Variants in FRYL observed in about 807,000 individuals in gnomAD.
FRYL encodes protein furry homolog-like.
In FRYL, 150 loss-of-function variants were observed where a neutral mutation model predicts 351.2. The ratio of observed to expected loss-of-function variants is 0.43; its 90% CI spans 0.37 to 0.49. The LOEUF (loss-of-function observed/expected upper bound fraction) is 0.49, where lower values mean the gene tolerates loss of function less well. FRYL is among the 20% of genes least tolerant of loss of function. The pLI is 0.00. For missense variants in FRYL, 3,036 were observed against 3,619.3 expected, an observed-to-expected ratio of 0.84 and a Z score of 4.13; for synonymous variants, 1,153 against 1,257.1, an observed-to-expected ratio of 0.92 and a Z score of 1.75.
chr4:48,628,463 T>TGTGTGTGTGTGTG (rs1578418587), intron 4 of FRYL, among the ~76,000 whole-genome samples: 10 of 150,882 alleles, frequency 6.6e-5, no homozygotes, highest in South Asian at 2.1e-4. Flanking sequence ...TGTGTGTGTG[T>TGTGTGTGTGTGTG]TTAAAGGTGA....
chr4:48,750,433 C>T (rs1318125087), intron 1 of FRYL, among the ~76,000 whole-genome samples: 1 of 151,780 alleles, frequency 6.6e-6, no homozygotes, highest in East Asian at 1.9e-4. Flanking sequence ...TGCACTCCAG[C>T]CTGGGTGACA....
chr4:48,498,458 A>AAGTT lies in FRYL; in HGVS notation c.*960_*963dup, dbSNP rs1718862655. The stretch of plus-strand genomic sequence containing the variant: ...CTACAGTTTCTATATGGAGTAAAAT[A>AAGTT]AGTTAAAACTTTTCTAATGAGAATA... On this transcript the variant is annotated 3_prime_UTR_variant, in exon 64 of 64. Coordinates refer to ENST00000358350, the MANE Select transcript of FRYL (RefSeq NM_015030.2). The AAGTT allele has an allele frequency of 1.3e-5, 2 of 152,774 alleles. No individual in the cohort carries two copies. The highest frequency in any genetic ancestry group is 1.3e-4 in the Admixed American group (2 of 15,302). The allele number at this position is 152,774 out of a possible 1,614,324, so 9.5% of individuals were successfully genotyped here. A position where few individuals can be genotyped will look rare whatever the true frequency, so the allele number is the denominator to read the frequency against.
chr4:48,636,022 A>G (rs548822657), intron 3 of FRYL, among the ~76,000 whole-genome samples: 9 of 152,316 alleles, frequency 5.9e-5, no homozygotes, highest in African/African-American at 1.9e-4. Context: ...AGTAATCTAA[A>G]GAGTATCACA....
At position 48,504,133 on chromosome 4, in the gene FRYL, A is replaced by G. The variant is rs190425400; in HGVS notation, c.8464-1288T>C. Among the ~76,000 whole-genome samples the G allele has an allele frequency of 1.5e-3, 226 of 152,010 alleles. 1 individual carries two copies. The highest frequency in any genetic ancestry group is 4.6e-4 in the Non-Finnish European group (31 of 67,942). On this transcript the variant is annotated intron_variant, in intron 60 of 63. Transcript: ENST00000358350. ...TTTGTGGATGAGTGTGTGTGTGTGT[A>G]TATATATGCACATTTTAAAGTATAT...
intron 1 of FRYL, among the ~76,000 whole-genome samples, chr4:48,729,985 A>G (rs1259043277): frequency 6.6e-6 from 1 of 152,170 alleles, no homozygotes; most frequent in Non-Finnish European, 1.5e-5. Context: ...AAAAACTTTG[A>G]AAAAAGGTTA....
rs1244863371 is a variant in FRYL, at chr4:48,498,862, A to C, written c.*560T>G. On this transcript the variant is annotated 3_prime_UTR_variant, in exon 64 of 64. Coordinates refer to ENST00000358350, the MANE Select transcript of FRYL (RefSeq NM_015030.2). ...ATTCCTTATACAGACCAAAAAACAA[A>C]AAAACCCAAACCCTTATCCCACATA... 2 of 156,346 alleles carry C rather than the reference A, an allele frequency of 1.3e-5. No homozygotes were observed. Among genetic ancestry groups the C allele is most frequent in the African/African-American group, 4.8e-5 (2 of 41,442 alleles). The allele number at this position is 156,346 out of a possible 1,614,324, so 9.7% of individuals were successfully genotyped here. A position where few individuals can be genotyped will look rare whatever the true frequency, so the allele number is the denominator to read the frequency against.
At chr4:48,668,542 TG>T (rs1762144948) in intron 3 of FRYL, among the ~76,000 whole-genome samples, 1 of 152,216 alleles carries the variant, frequency 6.6e-6, no homozygotes, top group Non-Finnish European at 1.5e-5. Flanking sequence ...AAACTTGCTC[TG>T]GTACATGAAA....
chr4:48,580,675 A>C lies in FRYL; in HGVS notation c.2259+190T>G. ...AATTTTTATTTCTATGTAGAAGAGT[A>C]CTTAACCAAGTATAAATGAATGTCA... On this transcript the variant is annotated intron_variant, in intron 22 of 63. Transcript: ENST00000358350. 6.3e-6 allele frequency: 3 copies of C among 472,600 alleles called. No homozygotes were observed. In the East Asian group the frequency reaches 9.7e-5, roughly 15 times the overall value. The allele number at this position is 472,600 out of a possible 1,614,324, so 29.3% of individuals were successfully genotyped here. A position where few individuals can be genotyped will look rare whatever the true frequency, so the allele number is the denominator to read the frequency against.
chr4:48,708,954 ACT>A (rs1266670213), intron 2 of FRYL, among the ~76,000 whole-genome samples: 1 of 132,884 alleles, frequency 7.5e-6, no homozygotes, highest in African/African-American at 2.9e-5. Context: ...ATGGAGTCTC[ACT>A]CTGTCTCCCA....
At chr4:48,721,485 A>G (rs1425476969) in intron 1 of FRYL, among the ~76,000 whole-genome samples, 1 of 151,870 alleles carries the variant, frequency 6.6e-6, no homozygotes, top group Non-Finnish European at 1.5e-5. Context: ...ACATAGGGAG[A>G]CCCCATCTCT....
rs1280207795 is a variant in FRYL at position 48,581,509 on chromosome 4, G to A, written c.2083C>T (p.Leu695Phe). ...CTAGTGGCAGGTCGACTGCTACAGA[G>A]AATGACAAGCGCAAAGCCTTCAACC... ...HVVEGFALVI[L>F]CSSRPATRRL... Residue 695 changes from leucine to phenylalanine, a missense_variant, in exon 21 of 64, where the codon CTC becomes TTC. Around this residue, in one of 7 missense-constraint regions of FRYL, gnomAD observed 492 missense variants for 551.5 expected, o/e 0.89. Coordinates refer to ENST00000358350, the MANE Select transcript of FRYL (RefSeq NM_015030.2). 6.2e-7 allele frequency: 1 copy of A among 1,614,038 alleles called. No individual in the cohort carries two copies. Among genetic ancestry groups the A allele is most frequent in the Admixed American group, 1.7e-5 (1 of 60,014 alleles).
intron 15 of FRYL, among the ~76,000 whole-genome samples, chr4:48,594,746 T>A (rs1744247984): frequency 6.6e-6 from 1 of 152,200 alleles, no homozygotes; most frequent in Non-Finnish European, 1.5e-5. Flanking sequence ...TGAAAGAGAA[T>A]GCAATCAATA....
chr4:48,548,855 G>A, intron 39 of FRYL, 62 bp from the exon 40 acceptor site: 33 of 926,226 alleles, frequency 3.6e-5, no homozygotes, highest in Middle Eastern at 2.3e-4. Flanking sequence ...GAGAGAATTT[G>A]GTACAAAATT....
chr4:48,513,360 G>A (rs1722882380), intron 56 of FRYL, among the ~76,000 whole-genome samples: 1 of 152,102 alleles, frequency 6.6e-6, no homozygotes, highest in African/African-American at 2.4e-5. Flanking sequence ...GCCGATAATA[G>A]ATTTGACTCC....
rs1719040735 is a variant in FRYL at position 48,499,373 on chromosome 4, ATTC to A, written c.*46_*48del. On this transcript the variant is annotated 3_prime_UTR_variant, in exon 64 of 64. Transcript: ENST00000358350. ...GGTCCATAAAAGGTGCTTGGTTAAT[ATTC>A]TTCATCATCTTCAGTTTAGTTTCTT... 2 of 1,571,246 alleles carry A rather than the reference ATTC, an allele frequency of 1.3e-6. No individual in the cohort carries two copies. Among genetic ancestry groups the A allele is most frequent in the Non-Finnish European group, 1.7e-6 (2 of 1,144,278 alleles).
chr4:48,652,597 G>T (rs951994867), intron 3 of FRYL, among the ~76,000 whole-genome samples: 2 of 152,042 alleles, frequency 1.3e-5, no homozygotes, highest in African/African-American at 2.4e-5. Flanking sequence ...AAAAATAAAA[G>T]AAATATAGGG....
intron 23 of FRYL, 79 bp from the exon 24 acceptor site, chr4:48,576,301 TTTC>T: frequency 9.0e-7 from 1 of 1,113,390 alleles, no homozygotes. Flanking sequence ...TAATGCTAAA[TTTC>T]TTTTTTTTTT....
Position 48,535,775 on chromosome 4 carries a change from CTCA to C in FRYL, c.6443_6445del (p.Met2148del). ...GGAATACGTGTGTGTACTGTACAAA[CTCA>C]TCATGTGTGCCAGATTGACAAGTGT... On this transcript the variant is annotated inframe_deletion, in exon 48 of 64. Coordinates refer to ENST00000358350, the MANE Select transcript of FRYL (RefSeq NM_015030.2). The C allele has an allele frequency of 6.3e-7, 1 of 1,583,496 alleles. No individual in the cohort carries two copies. Among genetic ancestry groups the C allele is most frequent in the Non-Finnish European group, 8.6e-7 (1 of 1,162,182 alleles).
chr4:48,536,109 T>C (rs566685895), intron 47 of FRYL, among the ~76,000 whole-genome samples: 18 of 152,260 alleles, frequency 1.2e-4, no homozygotes, highest in African/African-American at 4.1e-4. Context: ...GCAGAAACCA[T>C]GTATGGTGTG....
Sources: allele counts gnomAD v4.1 joint callset (sites outside exome capture counted in the v4.1 genomes callset), GRCh38; gene constraint gnomAD v4.1.1; regional missense constraint gnomAD v4.1.1; transcripts MANE v1.5; gene names NCBI Gene and HGNC (gene_info 2026-07-23, HGNC 2026-07-21).